Variants in FAM186A observed in about 807,000 individuals in gnomAD.
FAM186A encodes family with sequence similarity 186 member A.
Under a neutral mutation model 216.8 loss-of-function variants are expected in FAM186A, and 163 were observed. That is an observed-to-expected ratio of 0.75 (90% CI 0.66 to 0.86). The LOEUF (loss-of-function observed/expected upper bound fraction) is 0.86. Among genes scored for constraint, FAM186A ranks in the 40% least tolerant of loss-of-function variants. FAM186A has a pLI of 0.00. For synonymous variants in FAM186A, 805 were observed against 1,025.3 expected (o/e 0.79, Z 4.10); for missense variants, 2,184 against 2,746.2 (o/e 0.80, Z 4.58).
intron 1 of FAM186A, among the ~76,000 whole-genome samples, chr12:50,370,123 CAAAAAAA>C (rs56403101): frequency 4.9e-4 from 19 of 38,444 alleles, no homozygotes; most frequent in South Asian, 2.5e-3. Context: ...GACTCCATCT[CAAAAAAA>C]AAAAAAAAAA....
Position 50,333,923 on chromosome 12 carries a change from G to C in FAM186A, c.6684C>G (p.His2228Gln), listed in dbSNP as rs6580741. The C allele has an allele frequency of 0.34, 527,085 of 1,549,562 alleles. 92,165 individuals are homozygous for C. The highest frequency in any genetic ancestry group is 0.47 in the South Asian group (39,174 of 83,764). The change falls in exon 5 of 8, where the codon CAC (histidine) becomes CAG (glutamine). Residue 2228 changes from histidine (H) to glutamine (Q), a missense_variant. Physicochemically the swap from His to Gln is conservative, Grantham distance 24. Coordinates refer to ENST00000327337, the MANE Select transcript of FAM186A (RefSeq NM_001145475.3). ...GAAAGCAGGTTACCTGGTTGAATAC[G>C]TGTATCATTTTCTTCAGGCACTGAT... ...KRNQCLKKMI[H>Q]VFNQLKKIHE... is the part of the protein sequence containing the mutation.
intron 1 of FAM186A, among the ~76,000 whole-genome samples, chr12:50,392,900 C>G (rs1199074774): frequency 6.7e-6 from 1 of 150,186 alleles, no homozygotes; most frequent in Non-Finnish European, 1.5e-5. Context: ...CGTGAGCCAC[C>G]GCGCCCAGCC....
chr12:50,385,556 T>C (rs1033521423), intron 1 of FAM186A, among the ~76,000 whole-genome samples: 3 of 151,978 alleles, frequency 2.0e-5, no homozygotes, highest in Admixed American at 6.6e-5. Context: ...CAAATGGTAT[T>C]ACATCAAACT....
At position 50,353,567 on chromosome 12, in the gene FAM186A, G is replaced by A; in HGVS notation, c.3265C>T (p.Pro1089Ser). 6.5e-7 allele frequency: 1 copy of A among 1,528,686 alleles called. No individual in the cohort carries two copies. The highest frequency in any genetic ancestry group is 8.8e-7 in the Non-Finnish European group (1 of 1,137,078). The allele number at this position is 1,528,686 out of a possible 1,614,324, so 94.7% of individuals were successfully genotyped here. A position where few individuals can be genotyped will look rare whatever the true frequency, so the allele number is the denominator to read the frequency against. Reference protein sequence around the residue: ...QAQEVGITLTPQQAQAQGITL... With the variant: ...QAQEVGITLTSQQAQAQGITL... The stretch of plus-strand genomic sequence containing the variant: ...ATCCCCTGAGCCTGGGCCTGCTGAG[G>A]AGTGAGTGTGATCCCCACTTCCTGG... The change falls in exon 4 of 8, where the codon CCT (proline) becomes TCT (serine). Residue 1089 changes from proline (P) to serine (S), a missense_variant. Physicochemically the swap from Pro to Ser is moderately conservative, Grantham distance 74. Around this residue, in one of 7 missense-constraint regions of FAM186A, gnomAD observed 1,132 missense variants for 1,263.4 expected, o/e 0.90. Coordinates refer to ENST00000327337, the MANE Select transcript of FAM186A (RefSeq NM_001145475.3).
intron 4 of FAM186A, among the ~76,000 whole-genome samples, chr12:50,337,772 T>C (rs574367837): frequency 3.3e-5 from 5 of 152,178 alleles, no homozygotes; most frequent in African/African-American, 1.2e-4. Flanking sequence ...GGCAAGCGCC[T>C]GTAGTCCCAG....
At chr12:50,393,076 G>A (rs879845881) in intron 1 of FAM186A, among the ~76,000 whole-genome samples, 10 of 150,154 alleles carry the variant, frequency 6.7e-5, no homozygotes, top group South Asian at 2.1e-4. Flanking sequence ...ACAGGCGCCC[G>A]CCACCACGCC....
At chr12:50,380,283 A>G (rs1943241747) in intron 1 of FAM186A, among the ~76,000 whole-genome samples, 1 of 152,194 alleles carries the variant, frequency 6.6e-6, no homozygotes. Flanking sequence ...ATGCAGTGCT[A>G]CTTAATAAAT....
At chr12:50,368,752 T>G (rs568771013) in intron 1 of FAM186A, among the ~76,000 whole-genome samples, 2 of 152,112 alleles carry the variant, frequency 1.3e-5, no homozygotes, top group South Asian at 4.1e-4. Context: ...AGATCCCACA[T>G]TTTCTGATTT....
rs1445456091 is a variant in FAM186A, at chr12:50,396,319, G to A, written c.166C>T (p.Arg56Cys). The A allele has an allele frequency of 6.5e-7, 1 of 1,550,296 alleles. No homozygotes were observed. Among genetic ancestry groups the A allele is most frequent in the South Asian group, 1.2e-5 (1 of 83,496 alleles). ...SVKDIISRIE[R>C]AQLHRAREDI... ...TCTCTGGCTCGATGGAGCTGTGCGC[G>A]CTCAATCCTAGAGATGATATCCTTT... Residue 56 changes from arginine (R) to cysteine (C), a missense_variant, in exon 1 of 8, where the codon CGC becomes TGC. Arg to Cys is a radical substitution (Grantham distance 180). This residue lies in a region of FAM186A where 1,132 missense variants were observed against 1,263.4 expected (regional missense o/e 0.90). Coordinates refer to ENST00000327337, the MANE Select transcript of FAM186A (RefSeq NM_001145475.3).
In FAM186A at chr12:50,331,576, A is replaced by T. The variant is rs540500130; in HGVS notation, c.6848+94T>A. ...TTTAGACTCTCCATTGCACCATTTG[A>T]TAATTGTGGAGAAAGGGAAGTTCTT... On this transcript the variant is annotated intron_variant, in intron 6 of 7. Coordinates refer to ENST00000327337, the MANE Select transcript of FAM186A (RefSeq NM_001145475.3). The T allele has an allele frequency of 7.9e-4, 951 of 1,207,118 alleles. 15 individuals carry two copies. The South Asian group carries it at 0.013, about 16-fold the overall frequency. 74.8% of individuals were successfully genotyped at this position (1,207,118 alleles called of 1,614,324 possible).
intron 1 of FAM186A, among the ~76,000 whole-genome samples, chr12:50,374,007 TG>T (rs1943173979): frequency 6.6e-6 from 1 of 151,992 alleles, no homozygotes; most frequent in Non-Finnish European, 1.5e-5. Flanking sequence ...TATAAGGACA[TG>T]GATGAAATTG....
chr12:50,328,152 A>G (rs1022731090), intron 7 of FAM186A, among the ~76,000 whole-genome samples: 26 of 152,358 alleles, frequency 1.7e-4, no homozygotes, highest in African/African-American at 5.8e-4. Context: ...TATTTGGTGT[A>G]GCATTGTTTG....
At chr12:50,396,270 T>C (rs774504544) in intron 1 of FAM186A, 23 bp downstream of exon 1, 89 of 1,479,600 alleles carry the variant, frequency 6.0e-5, no homozygotes, top group Non-Finnish European at 7.8e-5. Context: ...TTGCAGTCTG[T>C]AAACTTCAGA....
At chr12:50,330,363 G>C (rs1268699633) in intron 7 of FAM186A, among the ~76,000 whole-genome samples, 1 of 152,132 alleles carries the variant, frequency 6.6e-6, no homozygotes, top group African/African-American at 2.4e-5. Context: ...ACATTATTCA[G>C]TGGTGACATC....
In FAM186A at chr12:50,353,422, G is replaced by C. The variant is rs1484436762; in HGVS notation, c.3410C>G (p.Pro1137Arg). 1.3e-6 allele frequency: 2 copies of C among 1,530,924 alleles called. No homozygotes were observed. Among genetic ancestry groups the C allele is most frequent in the Admixed American group, 4.1e-5 (2 of 48,652 alleles). 94.8% of individuals were successfully genotyped at this position (1,530,924 alleles called of 1,614,324 possible). Residue 1137 changes from proline (P) to arginine (R), a missense_variant, in exon 4 of 8, where the codon CCT becomes CGT. By Grantham distance (103) the Pro-to-Arg change is moderately radical. Around this residue, in one of 7 missense-constraint regions of FAM186A, gnomAD observed 267 missense variants for 446.2 expected, o/e 0.60. Transcript: ENST00000327337. ...GATCCCTTGAACCTGGGTCTGCTGAGGGGTGAGAGGGATCCCCAGGGCCTG... is the reference window on the plus strand; with the variant it reads ...GATCCCTTGAACCTGGGTCTGCTGACGGGTGAGAGGGATCCCCAGGGCCTG... ...QAQALGIPLT[P>R]QQTQVQGITL...
At chr12:50,327,662 C>T (rs1057141422) in intron 7 of FAM186A, among the ~76,000 whole-genome samples, 3 of 151,908 alleles carry the variant, frequency 2.0e-5, no homozygotes, top group Non-Finnish European at 4.4e-5. Flanking sequence ...CCACCTCAGC[C>T]TCCCAAGTAG....
rs1943345073 is a variant in FAM186A at position 50,390,257 on chromosome 12, A to G, written c.192+6036T>C. On this transcript the variant is annotated intron_variant, in intron 1 of 7. Transcript: ENST00000327337. ...AAGGTCTGATTATTTCCTTTTTCCC[A>G]ATGCACACTCTGTTACAAGGTCAGC... Among the ~76,000 whole-genome samples the G allele has an allele frequency of 2.6e-5, 4 of 152,044 alleles. No homozygotes were observed. The South Asian group carries it at 8.3e-4, about 32-fold the overall frequency.
intron 1 of FAM186A, among the ~76,000 whole-genome samples, chr12:50,394,625 C>A (rs561056441): frequency 6.6e-6 from 1 of 151,072 alleles, no homozygotes; most frequent in Non-Finnish European, 1.5e-5. Flanking sequence ...AGAGGTCTTA[C>A]TATGTTGCCC....
rs1410914248 is a variant in FAM186A at position 50,351,570 on chromosome 12, C to A, written c.5262G>T (p.Gly1754=). ...APTAEKSSIF[G]VSSTPLQISR... ...ATATCTGCAAAGGAGTAGAAGAGACCCCGAATATAGAGGACTTCTCAGCAG... is the reference window on the plus strand; with the variant it reads ...ATATCTGCAAAGGAGTAGAAGAGACACCGAATATAGAGGACTTCTCAGCAG... Residue 1754 remains glycine (G), a synonymous_variant, in exon 4 of 8, where the codon GGG becomes GGT. Transcript: ENST00000327337. 1 of 1,549,752 alleles carries A rather than the reference C, an allele frequency of 6.5e-7. No homozygotes were observed. The highest frequency in any genetic ancestry group is 1.4e-5 in the African/African-American group (1 of 72,920).
Sources: gnomAD v4.1 joint callset for allele counts (sites outside exome capture counted in the v4.1 genomes callset) on GRCh38, gnomAD v4.1.1 for gene constraint, gnomAD v4.1.1 regional missense constraint, MANE v1.5 for transcripts, NCBI Gene and HGNC (gene_info 2026-07-23, HGNC 2026-07-21) for gene names.